Variants in PCBD2 observed in about 807,000 individuals in gnomAD.
PCBD2 encodes pterin-4-alpha-carbinolamine dehydratase 2.
PCBD2 carries 12 observed loss-of-function variants against 16.4 expected under a neutral mutation model. That is an observed-to-expected ratio of 0.73 (90% CI 0.47 to 1.19). The LOEUF is 1.19. Ranked by LOEUF, PCBD2 falls within the 50% of genes most tolerant of loss-of-function variation. The pLI is 0.00. For missense variants in PCBD2, 138 were observed against 156.8 expected, an observed-to-expected ratio of 0.88 and a Z score of 0.64; for synonymous variants, 58 against 61.8, an observed-to-expected ratio of 0.94 and a Z score of 0.29.
intron 2 of PCBD2, among the ~76,000 whole-genome samples, chr5:134,933,238 TTTTTG>T (rs1751119722): frequency 6.6e-6 from 1 of 152,162 alleles, no homozygotes; most frequent in Non-Finnish European, 1.5e-5. Flanking sequence ...ACCTCATGAT[TTTTTG>T]TTTTGTTTTT....
chr5:134,907,276 G>A (rs572671954), intron 1 of PCBD2, among the ~76,000 whole-genome samples: 4 of 152,212 alleles, frequency 2.6e-5, no homozygotes, highest in East Asian at 3.9e-4. Context: ...ACGGAGTCTC[G>A]CTCTGTTGCC....
At chr5:134,959,005 A>G (rs748836228) in intron 2 of PCBD2, 35 bp from the exon 3 acceptor site, 20 of 1,546,012 alleles carry the variant, frequency 1.3e-5, no homozygotes, top group Admixed American at 5.0e-5. Context: ...GTAGAGGACA[A>G]TGTCAGTAAT....
At chr5:134,950,989 T>A (rs550381725) in intron 2 of PCBD2, among the ~76,000 whole-genome samples, 1 of 152,316 alleles carries the variant, frequency 6.6e-6, no homozygotes. Flanking sequence ...GTTATGTACA[T>A]TAAAGGATTC....
chr5:134,917,960 G>C (rs896667230), intron 2 of PCBD2, among the ~76,000 whole-genome samples: 1 of 152,212 alleles, frequency 6.6e-6, no homozygotes, highest in African/African-American at 2.4e-5. Context: ...GAAGTCAAAG[G>C]CTTGATGATA....
At chr5:134,920,571 A>G (rs543584057) in intron 2 of PCBD2, among the ~76,000 whole-genome samples, 51 of 152,182 alleles carry the variant, frequency 3.4e-4, no homozygotes, top group Non-Finnish European at 6.3e-4. Context: ...ATTTAATTGT[A>G]TCATTAAAAT....
At chr5:134,905,746 T>C (rs1308070035) in intron 1 of PCBD2, 1 of 152,728 alleles carries the variant, frequency 6.5e-6, no homozygotes, top group Non-Finnish European at 1.5e-5. Flanking sequence ...CTGTAGAAAT[T>C]AATATTTTGG....
chr5:134,908,664 CAAAAA>C (rs540737382), intron 1 of PCBD2, among the ~76,000 whole-genome samples: 2 of 60,580 alleles, frequency 3.3e-5, no homozygotes, highest in Non-Finnish European at 3.7e-5. Context: ...GACTTGGTCT[CAAAAA>C]AAAAAAAAAA....
intron 2 of PCBD2, among the ~76,000 whole-genome samples, chr5:134,952,411 A>G (rs1751368881): frequency 6.6e-6 from 1 of 152,166 alleles, no homozygotes; most frequent in Non-Finnish European, 1.5e-5. Context: ...TGAGCGCTTT[A>G]AAAGTGTTAT....
intron 1 of PCBD2, among the ~76,000 whole-genome samples, chr5:134,906,192 G>GA (rs1750686971): frequency 1.0e-5 from 1 of 97,350 alleles, no homozygotes; most frequent in Non-Finnish European, 1.9e-5. Context: ...TTTAATAGAA[G>GA]AATTTTTTTT....
chr5:134,944,904 A>ATT (rs1480322949), intron 2 of PCBD2, among the ~76,000 whole-genome samples: 3 of 152,168 alleles, frequency 2.0e-5, no homozygotes, highest in African/African-American at 7.2e-5. Context: ...GCAGCTTTGT[A>ATT]TTATGTTACT....
At chr5:134,922,116 G>T (rs141993251) in intron 2 of PCBD2, among the ~76,000 whole-genome samples, 138 of 152,354 alleles carry the variant, frequency 9.1e-4, no homozygotes, top group African/African-American at 3.2e-3. Flanking sequence ...CTCAGACAGG[G>T]TGAGTACCTT....
chr5:134,931,084 A>G (rs1445006301), intron 2 of PCBD2, among the ~76,000 whole-genome samples: 1 of 151,228 alleles, frequency 6.6e-6, no homozygotes, highest in African/African-American at 2.4e-5. Flanking sequence ...TGCCCGGCTA[A>G]TTTTTTTTTA....
At chr5:134,954,910 T>G (rs1229191472) in intron 2 of PCBD2, among the ~76,000 whole-genome samples, 3 of 151,814 alleles carry the variant, frequency 2.0e-5, no homozygotes, top group Admixed American at 2.0e-4. Context: ...TCCAGCTAAT[T>G]TTTGTATTTT....
At chr5:134,946,404 T>C (rs972401703) in intron 2 of PCBD2, among the ~76,000 whole-genome samples, 2 of 152,188 alleles carry the variant, frequency 1.3e-5, no homozygotes, top group African/African-American at 4.8e-5. Flanking sequence ...GGCAGGCTTT[T>C]TTCTTCCATG....
At chr5:134,937,878 T>A (rs981280919) in intron 2 of PCBD2, among the ~76,000 whole-genome samples, 1 of 152,258 alleles carries the variant, frequency 6.6e-6, no homozygotes, top group Non-Finnish European at 1.5e-5. Context: ...TCTTCATTTG[T>A]TTTTCATAAA....
Position 134,960,890 on chromosome 5 carries a change from C to G in PCBD2, c.*209C>G, listed in dbSNP as rs933027335. 1.2e-5 allele frequency: 5 copies of G among 430,530 alleles called. No homozygotes were observed. The highest frequency in any genetic ancestry group is 2.1e-5 in the Non-Finnish European group (5 of 239,514). 26.7% of individuals were successfully genotyped at this position (430,530 alleles called of 1,614,324 possible). ...CAGGTGATTCTCCTGCCTCAGCCTCCTGAGTAGCTGGGATTACAAGCACGT... is the reference window on the plus strand; with the variant it reads ...CAGGTGATTCTCCTGCCTCAGCCTCGTGAGTAGCTGGGATTACAAGCACGT... On this transcript the variant is annotated 3_prime_UTR_variant, in exon 4 of 4. Coordinates refer to ENST00000254908, the MANE Select transcript of PCBD2 (RefSeq NM_032151.5).
chr5:134,961,135 A>G lies in PCBD2; in HGVS notation c.*454A>G, dbSNP rs1041937890. On this transcript the variant is annotated 3_prime_UTR_variant, in exon 4 of 4. Coordinates refer to ENST00000254908, the MANE Select transcript of PCBD2 (RefSeq NM_032151.5). Reference sequence around the variant, plus strand: ...AAAAATAACAATTTAAGTTGTGTAAATTGTTTGCCTTTATATATTACATTT... The same window carrying G: ...AAAAATAACAATTTAAGTTGTGTAAGTTGTTTGCCTTTATATATTACATTT... The G allele has an allele frequency of 2.0e-5, 3 of 153,706 alleles. No individual in the cohort carries two copies. The highest frequency in any genetic ancestry group is 4.3e-5 in the Non-Finnish European group (3 of 69,166). The allele number at this position is 153,706 out of a possible 1,614,324, so 9.5% of individuals were successfully genotyped here. A position where few individuals can be genotyped will look rare whatever the true frequency, so the allele number is the denominator to read the frequency against.
intron 2 of PCBD2, among the ~76,000 whole-genome samples, chr5:134,921,607 G>A (rs1750904409): frequency 6.6e-6 from 1 of 152,164 alleles, no homozygotes; most frequent in African/African-American, 2.4e-5. Flanking sequence ...AGTTTAGGGT[G>A]TCTGAAAGCA....
chr5:134,934,172 T>G (rs1362618980), intron 2 of PCBD2, among the ~76,000 whole-genome samples: 2 of 152,196 alleles, frequency 1.3e-5, no homozygotes, highest in Non-Finnish European at 2.9e-5. Flanking sequence ...TATTTTTGAA[T>G]TGGATAAGTA....
Sources: gnomAD v4.1 joint callset for allele counts (sites outside exome capture counted in the v4.1 genomes callset) on GRCh38, gnomAD v4.1.1 for gene constraint, MANE v1.5 for transcripts, NCBI Gene and HGNC (gene_info 2026-07-23, HGNC 2026-07-21) for gene names.